Variants in LSAMP observed in about 807,000 individuals in gnomAD.
LSAMP encodes the protein limbic system associated membrane protein.
LSAMP carries 7 observed loss-of-function variants against 38.6 expected under a neutral mutation model. That is an observed-to-expected ratio of 0.18 (90% CI 0.10 to 0.34). The LOEUF (loss-of-function observed/expected upper bound fraction) is 0.34. LSAMP is among the 10% of genes least tolerant of loss of function. The pLI, the probability that LSAMP is intolerant of heterozygous loss-of-function variation, is 1.00. For missense variants in LSAMP, 313 were observed against 420.0 expected (o/e 0.75, Z 2.23); for synonymous variants, 154 against 166.8 (o/e 0.92, Z 0.59).
intron 1 of LSAMP, among the ~76,000 whole-genome samples, chr3:116,337,756 G>A (rs1446121609): frequency 3.3e-5 from 5 of 152,000 alleles, no homozygotes; most frequent in African/African-American, 1.2e-4. Context: ...CCAGATCCAA[G>A]CAATAGCAGG....
At chr3:115,816,730 C>T in intron 6 of LSAMP, 1 of 726,016 alleles carries the variant, frequency 1.4e-6, no homozygotes, top group South Asian at 1.6e-5. Flanking sequence ...ATCTGATATT[C>T]TCCACTGAAA....
chr3:116,090,685 A>G (rs2107431529), intron 1 of LSAMP, among the ~76,000 whole-genome samples: 1 of 152,292 alleles, frequency 6.6e-6, no homozygotes, highest in South Asian at 2.1e-4. Context: ...AGAAATTTTA[A>G]AGCTGGGTGT....
chr3:116,060,378 A>G (rs1362644645), intron 2 of LSAMP, among the ~76,000 whole-genome samples: 1 of 152,160 alleles, frequency 6.6e-6, no homozygotes, highest in Non-Finnish European at 1.5e-5. Flanking sequence ...CCAAGTGCTA[A>G]TGAATAGGTA....
chr3:116,286,779 G>A (rs1468605585), intron 1 of LSAMP, among the ~76,000 whole-genome samples: 1 of 151,740 alleles, frequency 6.6e-6, no homozygotes, highest in African/African-American at 2.4e-5. Context: ...ATTATGTTTG[G>A]CATCTAGCAA....
chr3:116,028,903 G>T (rs375735090), intron 2 of LSAMP, among the ~76,000 whole-genome samples: 40 of 152,164 alleles, frequency 2.6e-4, no homozygotes, highest in African/African-American at 9.4e-4. Context: ...ATTATGGAGA[G>T]CTATGCCAGT....
intron 1 of LSAMP, among the ~76,000 whole-genome samples, chr3:116,223,924 A>T (rs1218619711): frequency 6.6e-6 from 1 of 152,188 alleles, no homozygotes; most frequent in Non-Finnish European, 1.5e-5. Context: ...TTCTTCCTCC[A>T]GGGGAATATT....
At chr3:115,946,482 C>T (rs908969496) in intron 3 of LSAMP, among the ~76,000 whole-genome samples, 1 of 151,954 alleles carries the variant, frequency 6.6e-6, no homozygotes, top group African/African-American at 2.4e-5. Flanking sequence ...AAAACAGCTG[C>T]TAAGAGGCTA....
chr3:115,913,209 T>G (rs188174111), intron 3 of LSAMP, among the ~76,000 whole-genome samples: 22 of 152,342 alleles, frequency 1.4e-4, no homozygotes, highest in Non-Finnish European at 5.9e-5. Context: ...TGTTGATGAT[T>G]AAATTAAGAG....
intron 1 of LSAMP, among the ~76,000 whole-genome samples, chr3:116,180,451 C>T (rs1311313111): frequency 3.3e-5 from 5 of 151,422 alleles, no homozygotes; most frequent in Non-Finnish European, 7.4e-5. Flanking sequence ...ATACCTGTTA[C>T]GGTGAGGAAA....
At chr3:116,158,315 C>T (rs1052037831) in intron 1 of LSAMP, among the ~76,000 whole-genome samples, 27 of 152,124 alleles carry the variant, frequency 1.8e-4, no homozygotes, top group African/African-American at 6.5e-4. Flanking sequence ...TGCCCTCTCT[C>T]ATCACTCCTA....
chr3:115,818,407 G>T (rs939361599), intron 6 of LSAMP, among the ~76,000 whole-genome samples: 1 of 152,074 alleles, frequency 6.6e-6, no homozygotes, highest in Non-Finnish European at 1.5e-5. Flanking sequence ...TCGTGGGAAT[G>T]ATTTCAAGCA....
intron 1 of LSAMP, among the ~76,000 whole-genome samples, chr3:116,250,019 G>C (rs2046658896): frequency 6.6e-6 from 1 of 152,220 alleles, no homozygotes; most frequent in Admixed American, 6.5e-5. Context: ...GATCGAGAAA[G>C]ATAACTGACT....
In LSAMP at chr3:116,374,347, A is replaced by G. The variant is rs533370344; in HGVS notation, c.155+70530T>C. ...TTTTGCATGGAGACATTTGATTTTC[A>G]TGAAACACTTTGAGAAAATTGGTAG... On this transcript the variant is annotated intron_variant, in intron 1 of 6. Coordinates refer to ENST00000490035, the MANE Select transcript of LSAMP (RefSeq NM_002338.5). 9.9e-5 allele frequency among the ~76,000 whole-genome samples: 15 copies of G among 152,062 alleles called. 1 individual carries two copies. The East Asian group carries it at 2.9e-3, about 29-fold the overall frequency.
At chr3:116,123,205 G>A (rs1344393954) in intron 1 of LSAMP, among the ~76,000 whole-genome samples, 1 of 152,202 alleles carries the variant, frequency 6.6e-6, no homozygotes, top group Non-Finnish European at 1.5e-5. Flanking sequence ...GGTGGAGTGA[G>A]CTGCCTGCTG....
At chr3:116,399,549 G>A (rs2048811585) in intron 1 of LSAMP, among the ~76,000 whole-genome samples, 1 of 152,190 alleles carries the variant, frequency 6.6e-6, no homozygotes, top group Non-Finnish European at 1.5e-5. Context: ...CAGAGGGGCA[G>A]CACCAAAAGT....
intron 1 of LSAMP, among the ~76,000 whole-genome samples, chr3:116,156,607 G>A (rs571695938): frequency 6.6e-6 from 1 of 152,164 alleles, no homozygotes; most frequent in Admixed American, 6.5e-5. Flanking sequence ...CATTTTTTCT[G>A]TGTCTCAATA....
At chr3:116,070,954 C>T (rs1056138621) in intron 2 of LSAMP, among the ~76,000 whole-genome samples, 9 of 151,818 alleles carry the variant, frequency 5.9e-5, no homozygotes, top group Admixed American at 1.3e-4. Context: ...GCAGGAGAAT[C>T]GCTTGAACCC....
At chr3:115,890,580 A>G (rs1457488109) in intron 3 of LSAMP, among the ~76,000 whole-genome samples, 6 of 151,940 alleles carry the variant, frequency 3.9e-5, no homozygotes, top group African/African-American at 1.4e-4. Flanking sequence ...AAGTCCTCTC[A>G]CTTTCTATCC....
intron 3 of LSAMP, among the ~76,000 whole-genome samples, chr3:115,858,958 T>C (rs953356159): frequency 6.6e-6 from 1 of 152,248 alleles, no homozygotes; most frequent in Non-Finnish European, 1.5e-5. Context: ...CACCTATTCC[T>C]GTTTTTGCTT....
Sources: gnomAD v4.1 joint callset for allele counts (sites outside exome capture counted in the v4.1 genomes callset) on GRCh38, gnomAD v4.1.1 for gene constraint, MANE v1.5 for transcripts, NCBI Gene and HGNC (gene_info 2026-07-23, HGNC 2026-07-21) for gene names.